CLEC2A: variants seen among roughly 807,000 people sequenced by gnomAD.
CLEC2A encodes the protein C-type lectin domain family 2 member A.
A neutral mutation model predicts 18.6 loss-of-function variants in CLEC2A; 19 were observed. The ratio of observed to expected loss-of-function variants is 1.02; its 90% CI spans 0.71 to 1.50. The LOEUF is 1.50. Among genes scored for constraint, CLEC2A ranks in the 40% most tolerant of loss-of-function variants. The probability of loss-of-function intolerance (pLI) is 0.00; values close to 1 mark genes in which losing one functional copy is unlikely to be tolerated. For synonymous variants in CLEC2A, 74 were observed against 64.0 expected, an observed-to-expected ratio of 1.16 and a Z score of -0.75; for missense variants, 190 against 207.9, an observed-to-expected ratio of 0.91 and a Z score of 0.53.
chr12:9,881,877 T>C, the CLEC2A span, among the ~76,000 whole-genome samples: 1 of 152,146 alleles, frequency 6.6e-6, no homozygotes, highest in African/African-American at 2.4e-5. Context: ...AATGCGAATA[T>C]GACGATGTGT....
At position 9,900,218 on chromosome 12, in the gene CLEC2A, A is replaced by G. The variant is rs572414726; in HGVS notation, c.411-1242T>C. Among the ~76,000 whole-genome samples the G allele has an allele frequency of 8.5e-5, 13 of 152,296 alleles. 1 individual carries two copies. The East Asian group carries it at 2.3e-3, about 27-fold the overall frequency. On this transcript the variant is annotated intron_variant, in intron 4 of 4. Transcript: ENST00000339766. ...ATTTGCAGGATAATTGCTCAAAACT[A>G]TAACATTGATCCAGATTTTCACGTT... is the stretch of plus-strand genomic sequence containing the variant.
chr12:9,896,812 T>A (rs1443548115), downstream of CLEC2A, among the ~76,000 whole-genome samples: 3 of 152,050 alleles, frequency 2.0e-5, no homozygotes, highest in Non-Finnish European at 2.9e-5. Flanking sequence ...TTTGTGTCTA[T>A]CTGCTTTTAT....
At chr12:9,923,470 A>C (rs1863207933) in intron 2 of CLEC2A, among the ~76,000 whole-genome samples, 2 of 152,140 alleles carry the variant, frequency 1.3e-5, no homozygotes, top group Admixed American at 1.3e-4. Context: ...ATACTTTTAC[A>C]CTGTTGGTGG....
At chr12:9,927,017 G>A (rs1199939730) in intron 1 of CLEC2A, among the ~76,000 whole-genome samples, 1 of 152,048 alleles carries the variant, frequency 6.6e-6, no homozygotes, top group Non-Finnish European at 1.5e-5. Context: ...AATCTAGGAA[G>A]AATGTGCGTG....
chr12:9,897,980 T>C (rs150646908), downstream of CLEC2A, among the ~76,000 whole-genome samples: 673 of 152,360 alleles, frequency 4.4e-3, 17 homozygotes, highest in Admixed American at 0.041. Context: ...TTAAGTGTTC[T>C]CAATTTTCAT....
At position 9,913,462 on chromosome 12, in the gene CLEC2A, G is replaced by C; in HGVS notation, c.*104C>G. On this transcript the variant is annotated 3_prime_UTR_variant, in exon 5 of 5. Coordinates refer to ENST00000455827, the MANE Select transcript of CLEC2A (RefSeq NM_001130711.2). ...TAAACTAGAAAATGGGCCCTCACCA[G>C]AGGTTCCGTATTCTGTAACAGAATA... is the stretch of plus-strand genomic sequence containing the variant. 1 of 1,439,014 alleles carries C rather than the reference G, an allele frequency of 6.9e-7. No individual in the cohort carries two copies. The highest frequency in any genetic ancestry group is 9.1e-7 in the Non-Finnish European group (1 of 1,104,640). The allele number at this position is 1,439,014 out of a possible 1,614,324, so 89.1% of individuals were successfully genotyped here. A position where few individuals can be genotyped will look rare whatever the true frequency, so the allele number is the denominator to read the frequency against.
chr12:9,909,190 C>T (rs967916447), downstream of CLEC2A, among the ~76,000 whole-genome samples: 4 of 152,138 alleles, frequency 2.6e-5, no homozygotes, highest in Non-Finnish European at 4.4e-5. Context: ...CTTCATCCTT[C>T]CCCTGTTGTG....
chr12:9,924,817 G>A (rs533903400), intron 2 of CLEC2A, among the ~76,000 whole-genome samples: 3 of 151,958 alleles, frequency 2.0e-5, no homozygotes, highest in Admixed American at 1.3e-4. Flanking sequence ...TGAGTTAAAC[G>A]CACTTTTAAA....
At chr12:9,906,347 G>A (rs555335516) in intron 4 of CLEC2A, among the ~76,000 whole-genome samples, 5 of 152,254 alleles carry the variant, frequency 3.3e-5, no homozygotes, top group African/African-American at 7.2e-5. Context: ...GGAAATAGCA[G>A]CCTGTTTGGC....
the CLEC2A span, chr12:9,892,889 T>G: frequency 2.8e-6 from 2 of 719,426 alleles, no homozygotes; most frequent in South Asian, 4.0e-5. Context: ...TGGTCTGAAC[T>G]CCTTTTTATT....
chr12:9,908,208 T>C (rs1410716725), intron 4 of CLEC2A, among the ~76,000 whole-genome samples: 1 of 152,206 alleles, frequency 6.6e-6, no homozygotes, highest in East Asian at 1.9e-4. Flanking sequence ...AGGTCTTCCT[T>C]GATTTTCTTC....
chr12:9,894,902 G>T (rs1474907272), downstream of CLEC2A, among the ~76,000 whole-genome samples: 1 of 151,732 alleles, frequency 6.6e-6, no homozygotes, highest in Non-Finnish European at 1.5e-5. Flanking sequence ...TACTATAAAG[G>T]TAAAATATCA....
chr12:9,909,395 T>C (rs565798522), downstream of CLEC2A, among the ~76,000 whole-genome samples: 4 of 152,194 alleles, frequency 2.6e-5, no homozygotes, highest in Non-Finnish European at 4.4e-5. Context: ...CAAACTACCA[T>C]AGTGGCCCTA....
the CLEC2A span, among the ~76,000 whole-genome samples, chr12:9,881,032 C>T: frequency 6.6e-6 from 1 of 152,184 alleles, no homozygotes; most frequent in Non-Finnish European, 1.5e-5. Context: ...AAGTTAAATT[C>T]TTTGCAAGTG....
downstream of CLEC2A, among the ~76,000 whole-genome samples, chr12:9,908,632 T>C (rs760770466): frequency 9.8e-5 from 15 of 152,294 alleles, no homozygotes; most frequent in Middle Eastern, 3.4e-3. Context: ...GCCCCCCCTA[T>C]TCTTCCTCAA....
rs138498762 is a variant in CLEC2A, at chr12:9,906,726, G to A, written c.411-7750C>T. Among the ~76,000 whole-genome samples the A allele has an allele frequency of 2.0e-5, 3 of 152,284 alleles. No homozygotes were observed. The East Asian group carries it at 5.8e-4, about 29-fold the overall frequency. On this transcript the variant is annotated intron_variant, in intron 4 of 4. Coordinates refer to the CLEC2A transcript ENST00000339766. ...CCATCTATTATTGAATACCCATTATGTCTTTTTCCCTCAATTACCTGGGAG... is the reference window on the plus strand; with the variant it reads ...CCATCTATTATTGAATACCCATTATATCTTTTTCCCTCAATTACCTGGGAG...
At chr12:9,906,135 G>GGGCC (rs1404840132) in intron 4 of CLEC2A, among the ~76,000 whole-genome samples, 2 of 151,884 alleles carry the variant, frequency 1.3e-5, no homozygotes, top group African/African-American at 4.8e-5. Context: ...GGTCCCCAGT[G>GGGCC]GGCCCCTTGA....
chr12:9,890,062 C>T, the CLEC2A span, among the ~76,000 whole-genome samples: 1 of 151,980 alleles, frequency 6.6e-6, no homozygotes. Flanking sequence ...TCAATATTTT[C>T]CATCTGTATC....
downstream of CLEC2A, among the ~76,000 whole-genome samples, chr12:9,897,277 A>G (rs113774041): frequency 5.1e-4 from 77 of 152,210 alleles, no homozygotes; most frequent in African/African-American, 1.8e-3. Context: ...TTTCAGCAGC[A>G]ATTTCCCATT....
Sources: allele counts gnomAD v4.1 joint callset (sites outside exome capture counted in the v4.1 genomes callset), GRCh38; gene constraint gnomAD v4.1.1; transcripts MANE v1.5; gene names NCBI Gene and HGNC (gene_info 2026-07-23, HGNC 2026-07-21).